Variants in TG observed in about 807,000 individuals in gnomAD.
The protein encoded by TG is thyroglobulin, also known as thyroid hormones.
Under a neutral mutation model 324.7 loss-of-function variants are expected in TG, and 270 were observed. The ratio of observed to expected loss-of-function variants is 0.83; its 90% CI spans 0.75 to 0.92. The LOEUF (loss-of-function observed/expected upper bound fraction) is 0.92, where lower values mean the gene tolerates loss of function less well. Ranked by LOEUF, TG falls within the 40% of genes least tolerant of loss-of-function variation. TG has a pLI of 0.00. For missense variants in TG, 3,591 were observed against 3,456.4 expected (o/e 1.04, Z -0.98); for synonymous variants, 1,401 against 1,327.0 (o/e 1.06, Z -1.21).
chr8:132,955,532 A>G (rs1295816625), intron 27 of TG, among the ~76,000 whole-genome samples: 1 of 152,216 alleles, frequency 6.6e-6, no homozygotes, highest in South Asian at 2.1e-4. Context: ...TCCTGCCAGC[A>G]TAGGAGTGAC....
intron 41 of TG, among the ~76,000 whole-genome samples, chr8:133,094,167 G>T (rs1848037336): frequency 6.6e-6 from 1 of 151,852 alleles, no homozygotes; most frequent in African/African-American, 2.4e-5. Context: ...TCTACCAAAA[G>T]TCCGGGCAGA....
intron 41 of TG, chr8:133,045,150 C>T (rs758800604): frequency 2.5e-6 from 4 of 1,611,888 alleles, no homozygotes; most frequent in African/African-American, 1.3e-5. Context: ...GTGGGCTCCA[C>T]CTGTCCTCAC....
chr8:132,906,540 A>G (rs1818708593), intron 16 of TG, 148 bp from the exon 17 acceptor site: 10 of 868,864 alleles, frequency 1.2e-5, no homozygotes, highest in Non-Finnish European at 1.4e-5. Context: ...GAGCAGGCCC[A>G]GGCCAGGCCC....
intron 40 of TG, among the ~76,000 whole-genome samples, chr8:133,022,416 G>A (rs568657654): frequency 2.5e-4 from 38 of 152,320 alleles, no homozygotes; most frequent in African/African-American, 8.9e-4. Flanking sequence ...GTGTGTGTAT[G>A]TGTGAGTGTG....
intron 35 of TG, chr8:133,001,679 G>C (rs539564275): frequency 3.3e-6 from 3 of 898,706 alleles, no homozygotes; most frequent in South Asian, 5.1e-5. Context: ...TGACGACAGG[G>C]AGACGTGAGC....
intron 41 of TG, among the ~76,000 whole-genome samples, chr8:133,044,699 G>A (rs1484566759): frequency 6.6e-6 from 1 of 152,206 alleles, no homozygotes; most frequent in African/African-American, 2.4e-5. Context: ...ACTTAAGGAT[G>A]TGCAAGCTGG....
At chr8:133,095,882 T>C (rs1848328713) in intron 42 of TG, among the ~76,000 whole-genome samples, 7 of 152,120 alleles carry the variant, frequency 4.6e-5, no homozygotes, top group Admixed American at 4.6e-4. Context: ...CCTGTCAGAG[T>C]CACTGCCTCC....
At chr8:132,942,166 G>A (rs1489714793) in intron 26 of TG, among the ~76,000 whole-genome samples, 1 of 152,190 alleles carries the variant, frequency 6.6e-6, no homozygotes, top group Admixed American at 6.5e-5. Flanking sequence ...TATGGACCTG[G>A]GTTCTAGTCA....
chr8:132,902,073 T>C (rs190562563), intron 16 of TG, among the ~76,000 whole-genome samples: 1 of 152,302 alleles, frequency 6.6e-6, no homozygotes, highest in Non-Finnish European at 1.5e-5. Flanking sequence ...ACCTTTTATT[T>C]CTCCAATCTC....
intron 26 of TG, among the ~76,000 whole-genome samples, chr8:132,946,612 T>C (rs1825340594): frequency 6.6e-6 from 1 of 152,086 alleles, no homozygotes; most frequent in African/African-American, 2.4e-5. Context: ...CTTTCCTTTC[T>C]CCCCTCCCAA....
At chr8:132,868,921 A>G (rs372505442) in intron 2 of TG, among the ~76,000 whole-genome samples, 5 of 152,194 alleles carry the variant, frequency 3.3e-5, no homozygotes, top group African/African-American at 1.2e-4. Flanking sequence ...CTCCATTTAT[A>G]TAACTGCGTT....
At chr8:132,882,780 A>C (rs1240202324) in intron 7 of TG, 34 bp from the exon 8 acceptor site, 1 of 1,614,036 alleles carries the variant, frequency 6.2e-7, no homozygotes, top group African/African-American at 1.3e-5. Flanking sequence ...AGCATTGTTG[A>C]CACTGTCTTC....
At chr8:132,928,964 T>A in intron 22 of TG, 112 bp from the exon 23 acceptor site, 1 of 853,586 alleles carries the variant, frequency 1.2e-6, no homozygotes. Flanking sequence ...ACATTTGTGT[T>A]ACCAAGAGCT....
At chr8:132,892,874 G>A (rs1816441108) in intron 10 of TG, among the ~76,000 whole-genome samples, 1 of 147,802 alleles carries the variant, frequency 6.8e-6, no homozygotes. Context: ...ATGCGTGTGT[G>A]CATGTGTGTG....
chr8:132,982,657 G>T (rs1054389762), intron 34 of TG, among the ~76,000 whole-genome samples: 5 of 152,168 alleles, frequency 3.3e-5, no homozygotes, highest in Non-Finnish European at 7.3e-5. Context: ...CATTTGCTGA[G>T]CTGGTATCTT....
chr8:132,904,259 A>G (rs6984038), intron 16 of TG, among the ~76,000 whole-genome samples: 24,711 of 152,012 alleles, frequency 0.16, 2,803 homozygotes, highest in African/African-American at 0.33. Flanking sequence ...GTGCTCACAA[A>G]CTCTTGTAAG....
chr8:132,993,207 T>C (rs1256630988), intron 35 of TG, among the ~76,000 whole-genome samples: 1 of 152,240 alleles, frequency 6.6e-6, no homozygotes, highest in Non-Finnish European at 1.5e-5. Flanking sequence ...CCTAAGTCAG[T>C]ATTTAAAGGT....
At chr8:133,098,134 A>G (rs1006252923) in intron 43 of TG, among the ~76,000 whole-genome samples, 4 of 152,184 alleles carry the variant, frequency 2.6e-5, no homozygotes, top group Non-Finnish European at 5.9e-5. Flanking sequence ...ATTATTGGAC[A>G]AGACAACCAT....
intron 34 of TG, among the ~76,000 whole-genome samples, chr8:132,979,693 C>T (rs889856771): frequency 2.1e-5 from 3 of 145,640 alleles, no homozygotes; most frequent in Admixed American, 6.9e-5. Context: ...TATGTTACAA[C>T]TGATGAAGTG....
Sources: allele counts gnomAD v4.1 joint callset (sites outside exome capture counted in the v4.1 genomes callset), GRCh38; gene constraint gnomAD v4.1.1; transcripts MANE v1.5; gene names NCBI Gene and HGNC (gene_info 2026-07-23, HGNC 2026-07-21).